The following CDH20 variants were observed in gnomAD, a reference collection of about 807,000 sequenced individuals.
CDH20 encodes the protein cadherin-20.
A neutral mutation model predicts 74.2 loss-of-function variants in CDH20; 29 were observed. That is an observed-to-expected ratio of 0.39 (90% CI 0.29 to 0.53). The LOEUF is 0.53. Ranked by LOEUF, CDH20 falls within the 20% of genes least tolerant of loss-of-function variation. The pLI is 0.69. For synonymous variants in CDH20, 469 were observed against 405.4 expected (o/e 1.16, Z -1.88); for missense variants, 988 against 1,048.3 (o/e 0.94, Z 0.79).
intron 1 of CDH20, among the ~76,000 whole-genome samples, chr18:61,460,668 G>T (rs1375360838): frequency 2.0e-5 from 3 of 152,172 alleles, no homozygotes; most frequent in East Asian, 3.9e-4. Flanking sequence ...AAGGTAATTT[G>T]CAGGATCAGA....
At chr18:61,336,422 A>T (rs1483711783) in intron 1 of CDH20, among the ~76,000 whole-genome samples, 1 of 152,146 alleles carries the variant, frequency 6.6e-6, no homozygotes, top group Admixed American at 6.5e-5. Flanking sequence ...ACCCTCTCAG[A>T]CCCTTATACA....
intron 11 of CDH20, among the ~76,000 whole-genome samples, chr18:61,553,669 T>G (rs1049353535): frequency 5.3e-5 from 8 of 152,198 alleles, no homozygotes; most frequent in African/African-American, 1.9e-4. Context: ...ACACTTAGTA[T>G]GTGTGTCTCT....
intron 1 of CDH20, among the ~76,000 whole-genome samples, chr18:61,442,379 A>AC (rs1909063989): frequency 6.6e-6 from 1 of 151,012 alleles, no homozygotes; most frequent in Admixed American, 6.6e-5. Context: ...AGAAAAAAAA[A>AC]AAAAACAGAA....
At chr18:61,364,434 T>A (rs1187674181) in intron 1 of CDH20, among the ~76,000 whole-genome samples, 1 of 152,164 alleles carries the variant, frequency 6.6e-6, no homozygotes, top group Admixed American at 6.5e-5. Context: ...TGCCTTAGCC[T>A]CCCTAGTAGC....
intron 1 of CDH20, among the ~76,000 whole-genome samples, chr18:61,434,452 C>T (rs1023116706): frequency 6.6e-5 from 10 of 152,034 alleles, no homozygotes; most frequent in African/African-American, 1.4e-4. Context: ...TGCCAGACAC[C>T]GTAATAAGTA....
At chr18:61,515,385 C>T (rs1372935777) in intron 6 of CDH20, among the ~76,000 whole-genome samples, 1 of 152,034 alleles carries the variant, frequency 6.6e-6, no homozygotes, top group African/African-American at 2.4e-5. Flanking sequence ...CACCCACTGA[C>T]CTGCGCCCAC....
chr18:61,536,406 A>C, intron 7 of CDH20, 87 bp from the exon 8 acceptor site: 1 of 1,033,738 alleles, frequency 9.7e-7, no homozygotes. Context: ...ACCATGTTTC[A>C]TATGGTAGGC....
chr18:61,364,226 T>A (rs1910788814), intron 1 of CDH20, among the ~76,000 whole-genome samples: 1 of 152,198 alleles, frequency 6.6e-6, no homozygotes, highest in Non-Finnish European at 1.5e-5. Flanking sequence ...TGGGGCCTAA[T>A]GGGAGGTGTT....
chr18:61,351,471 CTGATCTCAAAAGAATTACATT>C (rs1306080775), intron 1 of CDH20, among the ~76,000 whole-genome samples: 1 of 152,146 alleles, frequency 6.6e-6, no homozygotes, highest in African/African-American at 2.4e-5. Flanking sequence ...AGTAATAATG[CTGATCTCAAAAGAATTACATT>C]TGATTATCAA....
intron 6 of CDH20, among the ~76,000 whole-genome samples, chr18:61,517,465 C>T (rs1015160337): frequency 6.6e-6 from 1 of 152,198 alleles, no homozygotes; most frequent in Non-Finnish European, 1.5e-5. Context: ...GGCGTTACCT[C>T]ACCTGGGAAG....
intron 1 of CDH20, chr18:61,404,960 G>A (rs992177077): frequency 9.9e-5 from 70 of 709,932 alleles, no homozygotes; most frequent in East Asian, 5.4e-4. Flanking sequence ...CTCATGCTGC[G>A]CCCAGTTCAA....
At chr18:61,446,358 C>T (rs745565911) in intron 1 of CDH20, among the ~76,000 whole-genome samples, 1 of 152,138 alleles carries the variant, frequency 6.6e-6, no homozygotes, top group Non-Finnish European at 1.5e-5. Flanking sequence ...CTGGAGCTCT[C>T]CTTCTTTAAC....
At chr18:61,452,007 A>AT (rs1909404494) in intron 1 of CDH20, among the ~76,000 whole-genome samples, 2 of 152,156 alleles carry the variant, frequency 1.3e-5, no homozygotes, top group African/African-American at 4.8e-5. Flanking sequence ...TGATTCAATC[A>AT]TTATAGCTTT....
In CDH20 at chr18:61,539,163, T is replaced by TGGTGC; in HGVS notation, c.1530+19_1530+23dup. The TGGTGC allele has an allele frequency of 6.2e-7, 1 of 1,612,980 alleles. No individual in the cohort carries two copies. ...CAGGACAGGTAAGGTGGCCTGTGGGTGGTGCACTCTGCTTAACCCCTAACT... is the reference window on the plus strand; with the variant it reads ...CAGGACAGGTAAGGTGGCCTGTGGGTGGTGCGGTGCACTCTGCTTAACCCCTAACT... On this transcript the variant is annotated intron_variant, in intron 9 of 11. Transcript: ENST00000262717.
At chr18:61,385,528 T>A (rs1911564780) in intron 1 of CDH20, among the ~76,000 whole-genome samples, 1 of 149,630 alleles carries the variant, frequency 6.7e-6, no homozygotes, top group African/African-American at 2.5e-5. Flanking sequence ...TCAACGAACA[T>A]AATGGACCAT....
At chr18:61,442,410 C>A (rs1285366042) in intron 1 of CDH20, among the ~76,000 whole-genome samples, 1 of 150,510 alleles carries the variant, frequency 6.6e-6, no homozygotes, top group African/African-American at 2.4e-5. Flanking sequence ...GTCATGAGGA[C>A]TTCCAGGCAG....
intron 1 of CDH20, among the ~76,000 whole-genome samples, chr18:61,450,304 A>G (rs1909338688): frequency 6.6e-6 from 1 of 151,896 alleles, no homozygotes; most frequent in African/African-American, 2.4e-5. Flanking sequence ...CTCTCAGATA[A>G]GGAAAATAAG....
At chr18:61,486,725 A>G (rs1910777679) in intron 1 of CDH20, among the ~76,000 whole-genome samples, 1 of 152,194 alleles carries the variant, frequency 6.6e-6, no homozygotes, top group African/African-American at 2.4e-5. Context: ...CACTGTCTGC[A>G]TTTACCTCTC....
chr18:61,415,646 A>G (rs1041642650), intron 1 of CDH20, among the ~76,000 whole-genome samples: 4 of 152,216 alleles, frequency 2.6e-5, no homozygotes, highest in African/African-American at 9.6e-5. Flanking sequence ...TCATCACTCA[A>G]AAGTAGAATG....
Sources: gnomAD v4.1 joint callset for allele counts (sites outside exome capture counted in the v4.1 genomes callset) on GRCh38, gnomAD v4.1.1 for gene constraint, MANE v1.5 for transcripts, NCBI Gene and HGNC (gene_info 2026-07-23, HGNC 2026-07-21) for gene names.